TEK: variants seen among roughly 807,000 people sequenced by gnomAD.
TEK encodes angiopoietin-1 receptor.
A neutral mutation model predicts 131.8 loss-of-function variants in TEK; 43 were observed. The ratio of observed to expected loss-of-function variants is 0.33; its 90% CI spans 0.26 to 0.42. The LOEUF is 0.42. Among genes scored for constraint, TEK ranks in the 10% least tolerant of loss-of-function variants. The pLI is 1.00. For missense variants in TEK, 1,162 were observed against 1,384.4 expected (o/e 0.84, Z 2.55); for synonymous variants, 580 against 491.6 (o/e 1.18, Z -2.38).
chr9:27,197,559 G>T lies in TEK; in HGVS notation c.1869G>T (p.Gly623=). Residue 623 remains glycine (G), a synonymous_variant, in exon 12 of 23, where the codon GGG becomes GGT. Coordinates refer to ENST00000380036, the MANE Select transcript of TEK (RefSeq NM_000459.5). The part of the protein sequence containing the change: ...VRARVNTKAQ[G]EWSEDLTAWT... Reference sequence around the variant, plus strand: ...CTAGAGTCAACACCAAGGCCCAGGGGGAATGGAGTGAAGATCTCACTGCTT... The same window carrying T: ...CTAGAGTCAACACCAAGGCCCAGGGTGAATGGAGTGAAGATCTCACTGCTT... 1 of 1,614,036 alleles carries T rather than the reference G, an allele frequency of 6.2e-7. No individual in the cohort carries two copies. The highest frequency in any genetic ancestry group is 8.5e-7 in the Non-Finnish European group (1 of 1,179,994).
At chr9:27,201,343 A>T (rs1019018004) in intron 12 of TEK, among the ~76,000 whole-genome samples, 2 of 152,188 alleles carry the variant, frequency 1.3e-5, no homozygotes, top group Non-Finnish European at 2.9e-5. Context: ...TTTTTGTGAC[A>T]GGCTTAGAAG....
chr9:27,212,628 C>G, intron 16 of TEK, 79 bp from the exon 17 acceptor site: 1 of 1,508,802 alleles, frequency 6.6e-7, no homozygotes, highest in Non-Finnish European at 9.2e-7. Flanking sequence ...AGTTTATAGG[C>G]AATTTCCACA....
At position 27,183,481 on chromosome 9, in the gene TEK, G is replaced by A. The variant is rs745799653; in HGVS notation, c.1053G>A (p.Lys351=). Residue 351 remains lysine (K), a synonymous_variant, in exon 8 of 23, where the codon AAG becomes AAA. Transcript: ENST00000380036. ...EREGIQRMTP[K]IVDLPDHIEV... is the part of the protein sequence containing the mutation. ...CAGGCATACAGAGGATGACCCCAAA[G>A]ATAGTGGATTTGCCAGATCATATAG... The A allele has an allele frequency of 1.2e-6, 2 of 1,613,878 alleles. No individual in the cohort carries two copies. The highest frequency in any genetic ancestry group is 4.5e-5 in the East Asian group (2 of 44,880).
At chr9:27,170,713 C>G (rs1587546649) in intron 4 of TEK, among the ~76,000 whole-genome samples, 1 of 152,164 alleles carries the variant, frequency 6.6e-6, no homozygotes, top group Non-Finnish European at 1.5e-5. Flanking sequence ...GGCTTTCTCT[C>G]TAAGATGCTG....
At chr9:27,192,223 G>A (rs1181593372) in intron 10 of TEK, among the ~76,000 whole-genome samples, 1 of 152,094 alleles carries the variant, frequency 6.6e-6, no homozygotes, top group African/African-American at 2.4e-5. Flanking sequence ...TTCTACAAAT[G>A]AAAAGACAAA....
intron 1 of TEK, among the ~76,000 whole-genome samples, chr9:27,119,941 T>C (rs80327542): frequency 0.072 from 10,991 of 152,082 alleles, 561 homozygotes; most frequent in Non-Finnish European, 0.11. Context: ...GAGAAAGAAA[T>C]AGCTCTCCCC....
intron 16 of TEK, among the ~76,000 whole-genome samples, chr9:27,210,921 A>C (rs1390768919): frequency 6.6e-6 from 1 of 152,092 alleles, no homozygotes; most frequent in East Asian, 1.9e-4. Context: ...TGTCGAGACC[A>C]TCCTGGCCAA....
chr9:27,154,094 A>G (rs13296438), intron 1 of TEK, among the ~76,000 whole-genome samples: 29,116 of 152,108 alleles, frequency 0.19, 3,066 homozygotes, highest in Admixed American at 0.24. Flanking sequence ...AAAGGGACAT[A>G]TATGTCCATG....
At chr9:27,212,928 T>G in intron 17 of TEK, 31 bp downstream of exon 17, 1 of 1,609,048 alleles carries the variant, frequency 6.2e-7, no homozygotes, top group African/African-American at 1.3e-5. Context: ...TTTGGATATC[T>G]TTCCTGTGGA....
chr9:27,177,383 T>G (rs1191580538), intron 6 of TEK, among the ~76,000 whole-genome samples: 1 of 152,242 alleles, frequency 6.6e-6, no homozygotes, highest in Non-Finnish European at 1.5e-5. Flanking sequence ...ATTGTGGTTT[T>G]GATTTTCATT....
At chr9:27,117,048 G>T (rs1821595356) in intron 1 of TEK, among the ~76,000 whole-genome samples, 1 of 151,536 alleles carries the variant, frequency 6.6e-6, no homozygotes, top group South Asian at 2.1e-4. Flanking sequence ...TTAATTTTTA[G>T]TAGAGACGTG....
intron 12 of TEK, among the ~76,000 whole-genome samples, chr9:27,198,128 C>T (rs954136785): frequency 2.0e-4 from 31 of 151,998 alleles, no homozygotes; most frequent in African/African-American, 7.3e-4. Flanking sequence ...ATGGGAATTT[C>T]TTGGGTTTCT....
intron 1 of TEK, among the ~76,000 whole-genome samples, chr9:27,149,183 T>C (rs1485757857): frequency 6.6e-6 from 1 of 152,206 alleles, no homozygotes; most frequent in Non-Finnish European, 1.5e-5. Context: ...ATTGTGCTCA[T>C]TGTTAGAGAT....
At chr9:27,128,384 G>A (rs797013801) in intron 1 of TEK, among the ~76,000 whole-genome samples, 2 of 152,180 alleles carry the variant, frequency 1.3e-5, no homozygotes, top group Non-Finnish European at 2.9e-5. Flanking sequence ...CTGTGGACTT[G>A]TAGTATAGTT....
intron 1 of TEK, among the ~76,000 whole-genome samples, chr9:27,152,572 A>G (rs1823166239): frequency 6.6e-6 from 1 of 150,638 alleles, no homozygotes; most frequent in Non-Finnish European, 1.5e-5. Flanking sequence ...TTTTCTTTCA[A>G]ATAAAATCTT....
chr9:27,144,873 A>G (rs979097410), intron 1 of TEK, among the ~76,000 whole-genome samples: 2 of 152,212 alleles, frequency 1.3e-5, no homozygotes, highest in African/African-American at 4.8e-5. Context: ...GAAAAGCAAC[A>G]TATAGGGAGG....
chr9:27,174,699 T>G (rs1290766137), intron 6 of TEK, among the ~76,000 whole-genome samples: 1 of 152,046 alleles, frequency 6.6e-6, no homozygotes, highest in East Asian at 1.9e-4. Context: ...CCTCATTCAG[T>G]TCCCTCTAAA....
At chr9:27,151,842 A>G (rs1425808525) in intron 1 of TEK, among the ~76,000 whole-genome samples, 1 of 152,190 alleles carries the variant, frequency 6.6e-6, no homozygotes, top group Non-Finnish European at 1.5e-5. Context: ...TGCTTTTTGA[A>G]CTGAAGATAA....
intron 1 of TEK, among the ~76,000 whole-genome samples, chr9:27,146,878 C>T (rs1308788407): frequency 1.3e-5 from 2 of 151,958 alleles, no homozygotes; most frequent in East Asian, 1.9e-4. Context: ...TACAGGTGCC[C>T]ACCACCACGC....
Sources: allele counts gnomAD v4.1 joint callset (sites outside exome capture counted in the v4.1 genomes callset), GRCh38; gene constraint gnomAD v4.1.1; transcripts MANE v1.5; gene names NCBI Gene and HGNC (gene_info 2026-07-23, HGNC 2026-07-21).